ZNF518B: variants seen among roughly 807,000 people sequenced by gnomAD.
ZNF518B encodes zinc finger protein 518B.
In ZNF518B, 23 loss-of-function variants were observed where a neutral mutation model predicts 56.3. The observed-to-expected ratio is 0.41, with a 90% CI of 0.29 to 0.58. The LOEUF is 0.58. Ranked by LOEUF, ZNF518B falls within the 20% of genes least tolerant of loss-of-function variation. The pLI is 0.32. For synonymous variants in ZNF518B, 529 were observed against 465.9 expected (o/e 1.14, Z -1.74); for missense variants, 1,460 against 1,272.1 (o/e 1.15, Z -2.25).
chr4:10,445,752 C>T lies in ZNF518B; in HGVS notation c.577G>A (p.Glu193Lys), dbSNP rs1715007732. The change falls in exon 3 of 3, where the codon GAG becomes AAG. Residue 193 changes from glutamate (E) to lysine (K), a missense_variant. Glu to Lys is a moderately conservative substitution (Grantham distance 56). Transcript: ENST00000326756. ...CTAATAGCACCATAGTCACAATACT[C>T]ACACTGATAAGGAAATATGCCTGTG... Reference protein sequence around the residue: ...KHTGIFPYQCEYCDYGAIRND... With the variant: ...KHTGIFPYQCKYCDYGAIRND... 6 of 1,614,224 alleles carry T rather than the reference C, an allele frequency of 3.7e-6. No homozygotes were observed. The East Asian group carries it at 1.3e-4, about 36-fold the overall frequency.
At chr4:10,461,354 A>C (rs923514084), upstream of ZNF518B, among the ~76,000 whole-genome samples, 3 of 152,158 alleles carry the variant, frequency 2.0e-5, no homozygotes, top group African/African-American at 4.8e-5. Context: ...GGAAGCGCGC[A>C]GTGAGGCTAG....
At chr4:10,448,081 G>T (rs1244286428) in intron 2 of ZNF518B, among the ~76,000 whole-genome samples, 1 of 152,164 alleles carries the variant, frequency 6.6e-6, no homozygotes, top group Non-Finnish European at 1.5e-5. Flanking sequence ...AAGTCACTTA[G>T]ATCTTCTGAA....
chr4:10,452,212 A>T (rs1214851913), intron 2 of ZNF518B: 1 of 152,190 alleles, frequency 6.6e-6, no homozygotes, highest in Non-Finnish European at 1.5e-5. Context: ...TCCAACTCTG[A>T]TCCTGTCCCT....
At chr4:10,451,005 C>T (rs938246696) in intron 2 of ZNF518B, 1 of 152,194 alleles carries the variant, frequency 6.6e-6, no homozygotes, top group African/African-American at 2.4e-5. Flanking sequence ...CCAAAGATGA[C>T]TGCCACGCAC....
At position 10,444,827 on chromosome 4, in the gene ZNF518B, G is replaced by A. The variant is rs758266274; in HGVS notation, c.1502C>T (p.Ala501Val). The A allele has an allele frequency of 1.4e-5, 22 of 1,613,940 alleles. No homozygotes were observed. Among genetic ancestry groups the A allele is most frequent in the Admixed American group, 1.7e-5 (1 of 59,982 alleles). ...KNSVLRSLGAASNPFPYKAAV... is the reference protein window; with the variant it reads ...KNSVLRSLGAVSNPFPYKAAV... ...AGCTTTATATGGAAAAGGGTTTGAT[G>A]CAGCTCCAAGACTACGTAAAACACT... Residue 501 changes from alanine (A) to valine (V), a missense_variant, in exon 3 of 3, where the codon GCA becomes GTA. Transcript: ENST00000326756.
chr4:10,440,359 A>G lies in ZNF518B; in HGVS notation c.*2745T>C, dbSNP rs1281106387. On this transcript the variant is annotated 3_prime_UTR_variant, in exon 3 of 3. Coordinates refer to ENST00000326756, the MANE Select transcript of ZNF518B (RefSeq NM_053042.3). ...AACAATCTCTCACTTCTGGTCCACC[A>G]AAGTAAGAAAACCTACTTTAAAAAA... is the stretch of plus-strand genomic sequence containing the variant. 2 of 151,824 alleles carry G rather than the reference A, an allele frequency of 1.3e-5. No homozygotes were observed. Among genetic ancestry groups the G allele is most frequent in the African/African-American group, 2.5e-5 (1 of 40,772 alleles). 9.4% of individuals were successfully genotyped at this position (151,824 alleles called of 1,614,324 possible).
At chr4:10,456,922 C>T (rs1715561113) in intron 1 of ZNF518B, among the ~76,000 whole-genome samples, 3 of 151,514 alleles carry the variant, frequency 2.0e-5, no homozygotes, top group South Asian at 4.1e-4. Flanking sequence ...CACGAACGGC[C>T]CCGCGGGACG....
intron 2 of ZNF518B, chr4:10,451,954 A>G (rs1345362964): frequency 2.0e-5 from 3 of 152,238 alleles, no homozygotes; most frequent in African/African-American, 7.2e-5. Flanking sequence ...TGGGTGGCCA[A>G]TTATATCGCA....
chr4:10,443,376 T>A lies in ZNF518B; in HGVS notation c.2953A>T (p.Ile985Phe). The A allele has an allele frequency of 6.2e-7, 1 of 1,614,266 alleles. No homozygotes were observed. Among genetic ancestry groups the A allele is most frequent in the Non-Finnish European group, 8.5e-7 (1 of 1,180,040 alleles). The change falls in exon 3 of 3, where the codon ATC (isoleucine) becomes TTC (phenylalanine). Residue 985 changes from isoleucine to phenylalanine, a missense_variant. Coordinates refer to ENST00000326756, the MANE Select transcript of ZNF518B (RefSeq NM_053042.3). ...GTCAGGCGTACATGATGCCGTCTGA[T>A]GCCTAGCTGACACCTAGTCCTCTCT... ...LSERTRCQLG[I>F]RRHHVRLTYQ...
In ZNF518B at chr4:10,443,890, A is replaced by G. The variant is rs1356599638; in HGVS notation, c.2439T>C (p.Phe813=). ...CTGAGTCCGCCTGTCTCACAGGGCA[A>G]AATGGAACTGGTTTTATTAACTGTC... is the stretch of plus-strand genomic sequence containing the variant. ...SERQLIKPVP[F]CPVRQADSDL... is the part of the protein sequence containing the mutation. The change falls in exon 3 of 3, where the codon TTT becomes TTC. Residue 813 remains phenylalanine (F), a synonymous_variant. Transcript: ENST00000326756. 2.0e-5 allele frequency: 32 copies of G among 1,614,204 alleles called. No individual in the cohort carries two copies. The highest frequency in any genetic ancestry group is 2.7e-5 in the Non-Finnish European group (32 of 1,180,036).
intron 1 of ZNF518B, among the ~76,000 whole-genome samples, chr4:10,456,524 C>G (rs1715536312): frequency 6.6e-6 from 1 of 152,146 alleles, no homozygotes; most frequent in South Asian, 2.1e-4. Context: ...GTAAAAGATG[C>G]GCAGGACCTC....
chr4:10,455,629 C>G (rs1290927156), intron 1 of ZNF518B, among the ~76,000 whole-genome samples: 1 of 151,932 alleles, frequency 6.6e-6, no homozygotes, highest in East Asian at 1.9e-4. Flanking sequence ...TTTTAATTGC[C>G]ATTTTGCATT....
In ZNF518B at chr4:10,443,639, G is replaced by A. The variant is rs1244459454; in HGVS notation, c.2690C>T (p.Ser897Phe). 3 of 1,614,086 alleles carry A rather than the reference G, an allele frequency of 1.9e-6. No individual in the cohort carries two copies. In the African/African-American group the frequency reaches 4.0e-5, roughly 22 times the overall value. The change falls in exon 3 of 3, where the codon TCC becomes TTC. Residue 897 changes from serine (S) to phenylalanine (F), a missense_variant. Ser to Phe is a radical substitution (Grantham distance 155). Transcript: ENST00000326756. ...AGCTTGAATTTTGTTTTTCTTCCTG[G>A]ATAAGTGTACTTGTTTGGTTTTATT... ...SRNKTKQVHL[S>F]RKKNKIQAEP...
In ZNF518B at chr4:10,440,237, G is replaced by A. The variant is rs1231238593; in HGVS notation, c.*2867C>T. 6.6e-6 allele frequency: 1 copy of A among 152,116 alleles called. No homozygotes were observed. The highest frequency in any genetic ancestry group is 2.4e-5 in the African/African-American group (1 of 41,370). The allele number at this position is 152,116 out of a possible 1,614,324, so 9.4% of individuals were successfully genotyped here. A position where few individuals can be genotyped will look rare whatever the true frequency, so the allele number is the denominator to read the frequency against. On this transcript the variant is annotated 3_prime_UTR_variant, in exon 3 of 3. Coordinates refer to ENST00000326756, the MANE Select transcript of ZNF518B (RefSeq NM_053042.3). ...AAGGCTTACAAGATGTTCTCGACTG[G>A]GGATACAAAATTGAATATAATATAG...
At chr4:10,450,619 T>A (rs1006234429) in intron 2 of ZNF518B, among the ~76,000 whole-genome samples, 28 of 152,170 alleles carry the variant, frequency 1.8e-4, no homozygotes, top group African/African-American at 6.8e-4. Context: ...CACATCCAAG[T>A]ATACACACCT....
At chr4:10,459,810 CTG>C (rs1375844280), upstream of ZNF518B, among the ~76,000 whole-genome samples, 1 of 152,142 alleles carries the variant, frequency 6.6e-6, no homozygotes, top group Non-Finnish European at 1.5e-5. Context: ...GAGCATGGCC[CTG>C]TGGACCCCTT....
At position 10,442,185 on chromosome 4, in the gene ZNF518B, G is replaced by GTTA. The variant is rs1489477180; in HGVS notation, c.*918_*919insTAA. 1.3e-5 allele frequency: 2 copies of GTTA among 152,092 alleles called. No individual in the cohort carries two copies. Among genetic ancestry groups the GTTA allele is most frequent in the East Asian group, 3.9e-4 (2 of 5,188 alleles). 9.4% of individuals were successfully genotyped at this position (152,092 alleles called of 1,614,324 possible). The stretch of plus-strand genomic sequence containing the variant: ...GATGAATCCCAAATGAAAACTAAAG[G>GTTA]GCATATGAAACCCTTTTCACAACTT... On this transcript the variant is annotated 3_prime_UTR_variant, in exon 3 of 3. Transcript: ENST00000326756.
At chr4:10,450,453 G>T (rs1457430203) in intron 2 of ZNF518B, among the ~76,000 whole-genome samples, 1 of 152,204 alleles carries the variant, frequency 6.6e-6, no homozygotes, top group Non-Finnish European at 1.5e-5. Context: ...CATCTCAGAT[G>T]TAATACTCCA....
Position 10,447,020 on chromosome 4 carries a change from C to A in ZNF518B, c.-211-481G>T, listed in dbSNP as rs11937868. Among the ~76,000 whole-genome samples the A allele has an allele frequency of 8.2e-3, 1,254 of 152,234 alleles. 16 individuals are homozygous for A. Among genetic ancestry groups the A allele is most frequent in the African/African-American group, 0.029 (1,192 of 41,542 alleles). ...TATAGCTTATTATCAGCTTGAATAC[C>A]AACTCTCTCACTTACATGCTTAATT... On this transcript the variant is annotated intron_variant, in intron 2 of 2. Transcript: ENST00000326756.
Sources: allele counts gnomAD v4.1 joint callset (sites outside exome capture counted in the v4.1 genomes callset), GRCh38; gene constraint gnomAD v4.1.1; transcripts MANE v1.5; gene names NCBI Gene and HGNC (gene_info 2026-07-23, HGNC 2026-07-21).